SEC14L5: variants seen among roughly 807,000 people sequenced by gnomAD.
SEC14L5 encodes the protein SEC14-like protein 5.
SEC14L5 carries 96 observed loss-of-function variants against 84.6 expected under a neutral mutation model. That is an observed-to-expected ratio of 1.13 (90% CI 0.96 to 1.34). SEC14L5 has a LOEUF of 1.34. Among genes scored for constraint, SEC14L5 ranks in the 40% most tolerant of loss-of-function variants. The probability of loss-of-function intolerance (pLI) is 0.00; values close to 1 mark genes in which losing one functional copy is unlikely to be tolerated. For synonymous variants in SEC14L5, 546 were observed against 383.4 expected (o/e 1.42, Z -4.95); for missense variants, 1,224 against 942.5 (o/e 1.30, Z -3.91).
intron 2 of SEC14L5, among the ~76,000 whole-genome samples, chr16:4,984,020 T>A (rs1955459429): frequency 6.6e-6 from 1 of 152,182 alleles, no homozygotes; most frequent in Non-Finnish European, 1.5e-5. Flanking sequence ...TTTATTGAGA[T>A]ACAATTCACA....
In SEC14L5 at chr16:4,992,046, C is replaced by T. The variant is rs1330252392; in HGVS notation, c.667+16C>T. On this transcript the variant is annotated intron_variant, in intron 6 of 15. Coordinates refer to ENST00000251170, the MANE Select transcript of SEC14L5 (RefSeq NM_014692.2). Reference sequence around the variant, plus strand: ...AGTATGGACGGTAGGTGGTACAGCCCAGGCCAGTCAGCCCTAGGAGGCTGC... The same window carrying T: ...AGTATGGACGGTAGGTGGTACAGCCTAGGCCAGTCAGCCCTAGGAGGCTGC... 6.6e-7 allele frequency: 1 copy of T among 1,519,372 alleles called. No homozygotes were observed. 94.1% of individuals were successfully genotyped at this position (1,519,372 alleles called of 1,614,324 possible).
At chr16:4,988,329 C>T (rs1360428392) in intron 4 of SEC14L5, 49 bp downstream of exon 4, 15 of 1,596,458 alleles carry the variant, frequency 9.4e-6, no homozygotes, top group East Asian at 2.3e-5. Flanking sequence ...CACCTGCGCC[C>T]GGCACCCACC....
At chr16:4,998,566 GTC>G (rs1288975628) in intron 8 of SEC14L5, among the ~76,000 whole-genome samples, 1 of 148,492 alleles carries the variant, frequency 6.7e-6, no homozygotes, top group East Asian at 2.0e-4. Flanking sequence ...GTGAAACCCC[GTC>G]TCTACTAAAA....
Position 5,005,899 on chromosome 16 carries a change from A to C in SEC14L5, c.1303-15A>C. The C allele has an allele frequency of 7.0e-7, 1 of 1,421,960 alleles. No individual in the cohort carries two copies. The highest frequency in any genetic ancestry group is 2.1e-5 in the Admixed American group (1 of 48,108). 88.1% of individuals were successfully genotyped at this position (1,421,960 alleles called of 1,614,324 possible). ...AAAAAAAAACCATCCATCTTGCCTT[A>C]TGTCCTGGTTTCAGATCAGCCCCTT... On this transcript the variant is annotated splice_polypyrimidine_tract_variant and intron_variant, in intron 11 of 15. Coordinates refer to ENST00000251170, the MANE Select transcript of SEC14L5 (RefSeq NM_014692.2).
intron 2 of SEC14L5, among the ~76,000 whole-genome samples, chr16:4,979,855 C>A (rs901223949): frequency 6.6e-6 from 1 of 152,282 alleles, no homozygotes; most frequent in South Asian, 2.1e-4. Flanking sequence ...GGGAGGTGAA[C>A]CTCCTTCTCA....
intron 2 of SEC14L5, among the ~76,000 whole-genome samples, chr16:4,965,487 G>A (rs915616776): frequency 6.6e-6 from 1 of 150,464 alleles, no homozygotes; most frequent in Non-Finnish European, 1.5e-5. Flanking sequence ...CGGTGAAACC[G>A]CGTCTCTACT....
intron 2 of SEC14L5, among the ~76,000 whole-genome samples, chr16:4,969,253 A>G (rs1955244628): frequency 6.6e-6 from 1 of 152,130 alleles, no homozygotes; most frequent in African/African-American, 2.4e-5. Context: ...GCATTTATTT[A>G]TGCATTCATG....
intron 11 of SEC14L5, among the ~76,000 whole-genome samples, chr16:5,004,276 C>G (rs549178884): frequency 6.6e-6 from 1 of 152,238 alleles, no homozygotes; most frequent in South Asian, 2.1e-4. Flanking sequence ...CTTCAAGGCT[C>G]TGTTCAGGTG....
At chr16:4,987,799 G>A in intron 3 of SEC14L5, 93 bp downstream of exon 3, 1 of 966,040 alleles carries the variant, frequency 1.0e-6, no homozygotes, top group Non-Finnish European at 1.5e-6. Flanking sequence ...GGGCGGCGGG[G>A]TCCAGGAGGT....
At chr16:4,987,407 T>A (rs1955500523) in intron 2 of SEC14L5, 150 bp from the exon 3 acceptor site, 1 of 599,590 alleles carries the variant, frequency 1.7e-6, no homozygotes, top group Non-Finnish European at 2.8e-6. Flanking sequence ...GGAACGATTG[T>A]TGGTAATGAC....
chr16:4,977,888 C>T (rs1955366528), intron 2 of SEC14L5, among the ~76,000 whole-genome samples: 1 of 151,562 alleles, frequency 6.6e-6, no homozygotes, highest in Non-Finnish European at 1.5e-5. Flanking sequence ...GCCACCTCCT[C>T]CTCTCAGGTT....
Position 5,005,049 on chromosome 16 carries a change from G to A in SEC14L5, c.1303-865G>A, listed in dbSNP as rs141307020. The stretch of plus-strand genomic sequence containing the variant: ...AATAGGGCTGGGCGAGGTGGCTCAC[G>A]CCTGTAATCCCAGTACTTTGAGAGG... On this transcript the variant is annotated intron_variant, in intron 11 of 15. Coordinates refer to ENST00000251170, the MANE Select transcript of SEC14L5 (RefSeq NM_014692.2). Among the ~76,000 whole-genome samples, 406 of 152,280 alleles carry A rather than the reference G, an allele frequency of 2.7e-3. 2 individuals are homozygous for A. The highest frequency in any genetic ancestry group is 9.0e-3 in the African/African-American group (376 of 41,558).
chr16:4,989,770 G>T (rs1251027671), intron 4 of SEC14L5, among the ~76,000 whole-genome samples: 1 of 152,164 alleles, frequency 6.6e-6, no homozygotes, highest in East Asian at 1.9e-4. Context: ...AGTGTGTGTG[G>T]TGTTTCTCAG....
At chr16:5,003,669 T>C in intron 11 of SEC14L5, 96 bp downstream of exon 11, 1 of 821,670 alleles carries the variant, frequency 1.2e-6, no homozygotes, top group Non-Finnish European at 1.9e-6. Flanking sequence ...TCCTGTTTCA[T>C]TTCATTTAGT....
Position 4,966,793 on chromosome 16 carries a change from G to A in SEC14L5, c.63+7407G>A, listed in dbSNP as rs150679962. Among the ~76,000 whole-genome samples the A allele has an allele frequency of 3.4e-4, 52 of 152,278 alleles. No individual in the cohort carries two copies. The East Asian group carries it at 9.3e-3, about 27-fold the overall frequency. ...TACCATTTTTCAGAGCTGGATGGAG[G>A]ATCTGAAGTTACTGAGCTGGCGTCT... On this transcript the variant is annotated intron_variant, in intron 2 of 15. Transcript: ENST00000251170.
At chr16:4,994,304 A>T (rs1417859180) in intron 6 of SEC14L5, among the ~76,000 whole-genome samples, 1 of 152,138 alleles carries the variant, frequency 6.6e-6, no homozygotes, top group African/African-American at 2.4e-5. Flanking sequence ...AACTAATAAT[A>T]CATCTGGGGC....
chr16:4,966,363 T>C (rs1199119903), intron 2 of SEC14L5, among the ~76,000 whole-genome samples: 1 of 134,012 alleles, frequency 7.5e-6, no homozygotes, highest in Non-Finnish European at 1.5e-5. Context: ...AACATTCACC[T>C]CCCGGGTTCA....
intron 6 of SEC14L5, among the ~76,000 whole-genome samples, chr16:4,995,876 G>C (rs560756043): frequency 6.6e-6 from 1 of 152,000 alleles, no homozygotes; most frequent in Admixed American, 6.6e-5. Context: ...TCTGCCTGCC[G>C]TGGGCTCCCA....
At chr16:4,980,208 C>T (rs370657143) in intron 2 of SEC14L5, among the ~76,000 whole-genome samples, 5 of 152,230 alleles carry the variant, frequency 3.3e-5, no homozygotes, top group African/African-American at 9.6e-5. Flanking sequence ...TCCTTAACAA[C>T]AGTGTCCAAC....
Sources: gnomAD v4.1 joint callset for allele counts (sites outside exome capture counted in the v4.1 genomes callset) on GRCh38, gnomAD v4.1.1 for gene constraint, MANE v1.5 for transcripts, NCBI Gene and HGNC (gene_info 2026-07-23, HGNC 2026-07-21) for gene names.